The following ANKS1A variants were observed in gnomAD, a reference collection of about 807,000 sequenced individuals.
ANKS1A encodes ankyrin repeat and SAM domain-containing protein 1A.
In ANKS1A, 55 loss-of-function variants were observed where a neutral mutation model predicts 120.3. The observed-to-expected ratio is 0.46, with a 90% CI of 0.37 to 0.57. The LOEUF is 0.57. Among genes scored for constraint, ANKS1A ranks in the 20% least tolerant of loss-of-function variants. The pLI is 0.00. For synonymous variants in ANKS1A, 590 were observed against 604.7 expected, an observed-to-expected ratio of 0.98 and a Z score of 0.36; for missense variants, 1,123 against 1,480.3, an observed-to-expected ratio of 0.76 and a Z score of 3.96.
At chr6:35,069,748 C>T (rs893439608) in intron 13 of ANKS1A, among the ~76,000 whole-genome samples, 2 of 151,322 alleles carry the variant, frequency 1.3e-5, no homozygotes, top group African/African-American at 2.4e-5. Context: ...GGTGTCAGTC[C>T]GGGTGTGGTG....
In ANKS1A at chr6:34,889,310, G is replaced by A; in HGVS notation, c.-93G>A. 4.9e-6 allele frequency: 6 copies of A among 1,223,260 alleles called. No homozygotes were observed. Among genetic ancestry groups the A allele is most frequent in the Non-Finnish European group, 6.1e-6 (6 of 982,658 alleles). 75.8% of individuals were successfully genotyped at this position (1,223,260 alleles called of 1,614,324 possible). A position where few individuals can be genotyped will look rare whatever the true frequency, so the allele number is the denominator to read the frequency against. On this transcript the variant is annotated 5_prime_UTR_variant, in exon 1 of 24. Transcript: ENST00000360359. This position sits in a 1 kb window ranked among gnomAD's most constrained non-coding sequence, Gnocchi z 5.5. ...GGGGGTGGTGTCCCCAGCCGGTTTGGGGGGTGCGTTGCCCGGAGACGGAAA... is the reference window on the plus strand; with the variant it reads ...GGGGGTGGTGTCCCCAGCCGGTTTGAGGGGTGCGTTGCCCGGAGACGGAAA...
chr6:35,060,542 G>A lies in ANKS1A; in HGVS notation c.2184+289G>A, dbSNP rs1776445154. On this transcript the variant is annotated intron_variant, in intron 13 of 23. Coordinates refer to ENST00000360359, the MANE Select transcript of ANKS1A (RefSeq NM_015245.3). The surrounding 1 kb of genome is among the most constrained non-coding windows in gnomAD (Gnocchi z 4.5). ...TCAGCCCTGTGTCCCCTCCCTGGCT[G>A]TGTATCCCATCAAGGCTGGGTACGA... Among the ~76,000 whole-genome samples the A allele has an allele frequency of 6.6e-6, 1 of 152,214 alleles. No homozygotes were observed. Among genetic ancestry groups the A allele is most frequent in the South Asian group, 2.1e-4 (1 of 4,830 alleles).
intron 1 of ANKS1A, among the ~76,000 whole-genome samples, chr6:34,958,377 G>GGT (rs1005299678): frequency 6.6e-6 from 1 of 152,048 alleles, no homozygotes; most frequent in Non-Finnish European, 1.5e-5. Context: ...ACTGCATGAA[G>GGT]GTGTTTACTT....
chr6:34,893,812 T>G (rs1031521512), intron 1 of ANKS1A, among the ~76,000 whole-genome samples: 1 of 152,234 alleles, frequency 6.6e-6, no homozygotes, highest in Non-Finnish European at 1.5e-5. Context: ...TATATACCTA[T>G]GTAAGCCCCA....
intron 1 of ANKS1A, among the ~76,000 whole-genome samples, chr6:34,893,692 AC>A (rs1766930933): frequency 6.6e-6 from 1 of 152,196 alleles, no homozygotes; most frequent in African/African-American, 2.4e-5. Flanking sequence ...GTAGTATGAT[AC>A]GTCTGTGTAA....
intron 13 of ANKS1A, among the ~76,000 whole-genome samples, chr6:35,061,964 G>C (rs1217064799): frequency 6.6e-6 from 1 of 152,230 alleles, no homozygotes; most frequent in Non-Finnish European, 1.5e-5. Flanking sequence ...ACTTCAAGAT[G>C]CTAGAGGCTG....
chr6:34,985,499 G>T (rs1484889386), intron 8 of ANKS1A, among the ~76,000 whole-genome samples: 2 of 152,164 alleles, frequency 1.3e-5, no homozygotes, highest in African/African-American at 4.8e-5. Context: ...ATTTTTTCTA[G>T]TTTCAGTATA....
chr6:34,997,751 G>A (rs1275345310), intron 10 of ANKS1A, among the ~76,000 whole-genome samples: 1 of 152,146 alleles, frequency 6.6e-6, no homozygotes, highest in South Asian at 2.1e-4. Context: ...CTCAACCTTT[G>A]GAAGAAAGAA....
chr6:35,049,154 G>A (rs951646314), intron 11 of ANKS1A, among the ~76,000 whole-genome samples: 7 of 152,176 alleles, frequency 4.6e-5, no homozygotes, highest in African/African-American at 1.7e-4. Context: ...AGGTGCTTTG[G>A]GGGAGTGCCA....
At chr6:34,955,915 A>T (rs1464703608) in intron 1 of ANKS1A, among the ~76,000 whole-genome samples, 4 of 151,714 alleles carry the variant, frequency 2.6e-5, no homozygotes. Context: ...TTACTCTCAA[A>T]CTGTGTTCTC....
Position 35,086,281 on chromosome 6 carries a change from C to T in ANKS1A, c.3303+345C>T, listed in dbSNP as rs1777973302. On this transcript the variant is annotated intron_variant, in intron 22 of 23. Coordinates refer to ENST00000360359, the MANE Select transcript of ANKS1A (RefSeq NM_015245.3). The surrounding 1 kb of genome is among the most constrained non-coding windows in gnomAD (Gnocchi z 5.1). ...GCTCTGCACCCCAGGTGCCGCTGCC[C>T]CCCGATAGTCGCTGTTGTTACTGTC... 1.5e-6 allele frequency: 2 copies of T among 1,325,672 alleles called. No individual in the cohort carries two copies. The highest frequency in any genetic ancestry group is 2.5e-5 in the South Asian group (2 of 81,304). The allele number at this position is 1,325,672 out of a possible 1,614,324, so 82.1% of individuals were successfully genotyped here.
chr6:34,972,487 T>G, intron 3 of ANKS1A: 4 of 500,614 alleles, frequency 8.0e-6, no homozygotes, highest in Non-Finnish European at 1.0e-5. Context: ...CAGATTCAAG[T>G]TGTTCTAGGG....
chr6:34,976,333 G>A (rs971996850), intron 3 of ANKS1A, among the ~76,000 whole-genome samples: 5 of 152,034 alleles, frequency 3.3e-5, no homozygotes, highest in African/African-American at 1.2e-4. Flanking sequence ...GTTTTTAGGA[G>A]CTTTCATGTT....
intron 13 of ANKS1A, among the ~76,000 whole-genome samples, chr6:35,077,403 T>C (rs1410099127): frequency 6.6e-6 from 1 of 152,194 alleles, no homozygotes; most frequent in Non-Finnish European, 1.5e-5. Context: ...CGGAACAATC[T>C]CCTGTGTATA....
chr6:35,069,101 T>A (rs958133894), intron 13 of ANKS1A, among the ~76,000 whole-genome samples: 1 of 152,066 alleles, frequency 6.6e-6, no homozygotes, highest in Non-Finnish European at 1.5e-5. Context: ...GTGGGGCAGG[T>A]GATAGGGTGG....
At chr6:35,065,570 G>A (rs1349765917) in intron 13 of ANKS1A, among the ~76,000 whole-genome samples, 2 of 152,204 alleles carry the variant, frequency 1.3e-5, no homozygotes, top group African/African-American at 4.8e-5. Flanking sequence ...TCACCCCTCA[G>A]GTGGCGTGGA....
chr6:34,913,126 A>G (rs1166440087), intron 1 of ANKS1A, among the ~76,000 whole-genome samples: 3 of 152,354 alleles, frequency 2.0e-5, no homozygotes, highest in African/African-American at 7.2e-5. Flanking sequence ...AATACCTTTC[A>G]CATTTACCTC....
intron 1 of ANKS1A, among the ~76,000 whole-genome samples, chr6:34,904,604 C>T (rs1767545369): frequency 1.3e-5 from 2 of 151,900 alleles, no homozygotes; most frequent in South Asian, 2.1e-4. Context: ...TGGTGGCGCA[C>T]GCCTGCAGTC....
chr6:34,960,319 A>C (rs949364447), intron 1 of ANKS1A, among the ~76,000 whole-genome samples: 3 of 151,974 alleles, frequency 2.0e-5, no homozygotes, highest in Non-Finnish European at 2.9e-5. Flanking sequence ...TTATCACCAC[A>C]TAGGCATCAT....
Sources: gnomAD v4.1 joint callset for allele counts (sites outside exome capture counted in the v4.1 genomes callset) on GRCh38, gnomAD v4.1.1 for gene constraint, Gnocchi (gnomAD v3.1) non-coding constraint, MANE v1.5 for transcripts, NCBI Gene and HGNC (gene_info 2026-07-23, HGNC 2026-07-21) for gene names.